PAIP2: variants seen among roughly 807,000 people sequenced by gnomAD.
PAIP2 encodes the protein poly(A) binding protein interacting protein 2, also known as polyadenylate-binding protein-interacting protein 2.
PAIP2 carries 7 observed loss-of-function variants against 14.8 expected under a neutral mutation model. That is an observed-to-expected ratio of 0.47 (90% CI 0.27 to 0.89). PAIP2 has a LOEUF of 0.89. Ranked by LOEUF, PAIP2 falls within the 40% of genes least tolerant of loss-of-function variation. The pLI is 0.13. For synonymous variants in PAIP2, 47 were observed against 45.3 expected (o/e 1.04, Z -0.15); for missense variants, 122 against 154.7 (o/e 0.79, Z 1.12).
At chr5:139,342,466 G>A (rs1272869973) in intron 1 of PAIP2, 1 of 152,138 alleles carries the variant, frequency 6.6e-6, no homozygotes, top group African/African-American at 2.4e-5. Context: ...GAGAGGGGCG[G>A]AGGGACTGGC....
intron 1 of PAIP2, among the ~76,000 whole-genome samples, chr5:139,345,211 T>C (rs994369980): frequency 4.6e-5 from 7 of 152,076 alleles, no homozygotes; most frequent in African/African-American, 1.4e-4. Context: ...ACTTTTGTTT[T>C]TGTATTTTTA....
intron 1 of PAIP2, among the ~76,000 whole-genome samples, chr5:139,350,913 G>A (rs1756711558): frequency 6.6e-6 from 1 of 152,036 alleles, no homozygotes; most frequent in Non-Finnish European, 1.5e-5. Flanking sequence ...ATTAGTGGGG[G>A]ATGATGTAAT....
intron 1 of PAIP2, among the ~76,000 whole-genome samples, chr5:139,346,352 C>T (rs924772687): frequency 6.6e-6 from 1 of 152,178 alleles, no homozygotes; most frequent in Non-Finnish European, 1.5e-5. Flanking sequence ...AGTGATTCTC[C>T]TGCCTCAGCC....
chr5:139,351,644 C>CTTT (rs930211553), intron 1 of PAIP2, among the ~76,000 whole-genome samples: 1 of 150,792 alleles, frequency 6.6e-6, no homozygotes, highest in Admixed American at 6.6e-5. Context: ...AACTTTTTTT[C>CTTT]TTTTTTTTTG....
In PAIP2 at chr5:139,369,141, A is replaced by G. The variant is rs1459240458; in HGVS notation, c.*343A>G. 2 of 174,722 alleles carry G rather than the reference A, an allele frequency of 1.1e-5. No homozygotes were observed. The highest frequency in any genetic ancestry group is 4.7e-5 in the African/African-American group (2 of 42,268). 10.8% of individuals were successfully genotyped at this position (174,722 alleles called of 1,614,324 possible). The stretch of plus-strand genomic sequence containing the variant: ...CACTTGTTAATGTCTAAACTTTAAA[A>G]TCAGTACATTTAATTTGAGTTCCAA... On this transcript the variant is annotated 3_prime_UTR_variant, in exon 4 of 4. Coordinates refer to ENST00000265192, the MANE Select transcript of PAIP2 (RefSeq NM_016480.5).
intron 1 of PAIP2, among the ~76,000 whole-genome samples, chr5:139,345,777 G>C (rs1756526635): frequency 6.6e-6 from 1 of 151,464 alleles, no homozygotes; most frequent in South Asian, 2.1e-4. Flanking sequence ...ACAGACGCTT[G>C]CCACCATGCC....
intron 1 of PAIP2, among the ~76,000 whole-genome samples, chr5:139,344,928 CTAT>C (rs903948501): frequency 2.1e-4 from 32 of 152,102 alleles, no homozygotes; most frequent in African/African-American, 7.7e-4. Flanking sequence ...TAACTAGGTA[CTAT>C]TATTAATTCC....
At chr5:139,368,650 G>T in intron 3 of PAIP2, 83 bp from the exon 4 acceptor site, 1 of 885,834 alleles carries the variant, frequency 1.1e-6, no homozygotes, top group Non-Finnish European at 1.8e-6. Flanking sequence ...TTTTTTGGAA[G>T]ATGTTTTTGC....
At chr5:139,365,421 C>T (rs1310597622) in intron 3 of PAIP2, among the ~76,000 whole-genome samples, 12 of 151,094 alleles carry the variant, frequency 7.9e-5, no homozygotes, top group Non-Finnish European at 1.5e-4. Context: ...ATCTGGGAGG[C>T]GGAGGTTGCA....
At chr5:139,351,631 CCTAA>C (rs1226596501) in intron 1 of PAIP2, among the ~76,000 whole-genome samples, 1 of 151,944 alleles carries the variant, frequency 6.6e-6, no homozygotes. Flanking sequence ...CGTTTGTATA[CCTAA>C]CTTTTTTTCT....
chr5:139,361,690 A>G (rs747893855), intron 1 of PAIP2, among the ~76,000 whole-genome samples: 22 of 152,124 alleles, frequency 1.4e-4, no homozygotes, highest in Non-Finnish European at 3.2e-4. Flanking sequence ...CATGCATGTA[A>G]TCCCAGCACT....
chr5:139,342,127 C>T (rs1455316714), intron 1 of PAIP2, 147 bp downstream of exon 1: 1 of 152,478 alleles, frequency 6.6e-6, no homozygotes, highest in South Asian at 2.1e-4. Flanking sequence ...CTCTTTCCAC[C>T]AAGTCTGAGG....
intron 1 of PAIP2, chr5:139,342,590 C>CA (rs1413691561): frequency 3.3e-5 from 5 of 152,274 alleles, no homozygotes; most frequent in Non-Finnish European, 7.4e-5. Context: ...TATTGCAGCT[C>CA]ATGCCCTGGA....
intron 1 of PAIP2, among the ~76,000 whole-genome samples, chr5:139,353,627 A>G (rs1366445591): frequency 6.6e-6 from 1 of 152,186 alleles, no homozygotes; most frequent in Non-Finnish European, 1.5e-5. Flanking sequence ...CAAAATAATT[A>G]CATGTCTTTT....
intron 1 of PAIP2, among the ~76,000 whole-genome samples, chr5:139,351,907 G>A (rs993166178): frequency 7.9e-5 from 12 of 152,064 alleles, no homozygotes; most frequent in South Asian, 6.2e-4. Context: ...TGATCCTCCC[G>A]CATCGGCCTA....
chr5:139,343,502 A>T (rs557139576), intron 1 of PAIP2: 31 of 152,160 alleles, frequency 2.0e-4, no homozygotes, highest in African/African-American at 7.0e-4. Context: ...TCACTTTATG[A>T]CTCTAGAGTG....
chr5:139,365,987 G>A (rs1757227200), intron 3 of PAIP2, among the ~76,000 whole-genome samples: 2 of 152,094 alleles, frequency 1.3e-5, no homozygotes, highest in South Asian at 2.1e-4. Flanking sequence ...GGATCACGAG[G>A]TCAAGAGTTC....
intron 1 of PAIP2, among the ~76,000 whole-genome samples, chr5:139,352,502 G>GTTTTTT (rs536704901): frequency 6.6e-5 from 5 of 76,154 alleles, no homozygotes; most frequent in Non-Finnish European, 1.0e-4. Context: ...TTTTTTTGTT[G>GTTTTTT]TTTTTTTTTT....
chr5:139,362,336 T>C (rs1581318272), intron 1 of PAIP2, among the ~76,000 whole-genome samples: 1 of 151,320 alleles, frequency 6.6e-6, no homozygotes, highest in East Asian at 1.9e-4. Context: ...TTCTCCCACC[T>C]CAGCCTCCTG....
Sources: allele counts gnomAD v4.1 joint callset (sites outside exome capture counted in the v4.1 genomes callset), GRCh38; gene constraint gnomAD v4.1.1; transcripts MANE v1.5; gene names NCBI Gene and HGNC (gene_info 2026-07-23, HGNC 2026-07-21).